SLC30A8: variants seen among roughly 807,000 people sequenced by gnomAD.
SLC30A8 encodes solute carrier family 30 member 8.
SLC30A8 carries 27 observed loss-of-function variants against 36.9 expected under a neutral mutation model. The observed-to-expected ratio is 0.73, with a 90% CI of 0.54 to 1.01. SLC30A8 has a LOEUF of 1.01. SLC30A8 is among the 50% of genes least tolerant of loss of function. The pLI is 0.00. For missense variants in SLC30A8, 439 were observed against 452.0 expected (o/e 0.97, Z 0.26); for synonymous variants, 164 against 172.4 (o/e 0.95, Z 0.38).
intron 2 of SLC30A8, among the ~76,000 whole-genome samples, chr8:117,116,067 C>A (rs1820429464): frequency 6.6e-6 from 1 of 152,014 alleles, no homozygotes; most frequent in African/African-American, 2.4e-5. Context: ...TACGCCCTTT[C>A]TTGAAGACTT....
chr8:117,131,321 A>G (rs907374994), upstream of SLC30A8, among the ~76,000 whole-genome samples: 3 of 152,034 alleles, frequency 2.0e-5, no homozygotes, highest in Non-Finnish European at 2.9e-5. Flanking sequence ...ACACTGTAGT[A>G]ATAACCATAA....
chr8:117,112,997 A>T (rs1417728723), intron 2 of SLC30A8, among the ~76,000 whole-genome samples: 2 of 152,152 alleles, frequency 1.3e-5, no homozygotes, highest in Non-Finnish European at 2.9e-5. Flanking sequence ...TTCAGTCAAC[A>T]TCTATTTATC....
chr8:116,996,612 G>A (rs115893348), intron 1 of SLC30A8, among the ~76,000 whole-genome samples: 107 of 152,158 alleles, frequency 7.0e-4, no homozygotes, highest in Middle Eastern at 6.8e-3. Flanking sequence ...CAGGAAGGGT[G>A]ATCTTGGCCA....
chr8:117,045,704 C>T lies in SLC30A8; in HGVS notation c.-226+6446C>T, dbSNP rs1186851700. The stretch of plus-strand genomic sequence containing the variant: ...GTAAAAGCCTGACATATACTCTGCT[C>T]GCAGCAGCAGTCCTTTCAAAGCGTG... On this transcript the variant is annotated intron_variant, in intron 2 of 10. Coordinates refer to the SLC30A8 transcript ENST00000427715. Among the ~76,000 whole-genome samples the T allele has an allele frequency of 3.9e-5, 6 of 152,314 alleles. No individual in the cohort carries two copies. The South Asian group carries it at 6.2e-4, about 16-fold the overall frequency.
At chr8:117,004,139 C>G (rs936820428) in intron 1 of SLC30A8, among the ~76,000 whole-genome samples, 1 of 152,150 alleles carries the variant, frequency 6.6e-6, no homozygotes, top group African/African-American at 2.4e-5. Flanking sequence ...CTATTTGATA[C>G]AGCTGAATCG....
chr8:116,983,123 A>G (rs1052764139), intron 1 of SLC30A8, among the ~76,000 whole-genome samples: 4 of 152,174 alleles, frequency 2.6e-5, no homozygotes, highest in South Asian at 2.1e-4. Flanking sequence ...GTTAGTGTTT[A>G]TAACTTCTAT....
chr8:117,065,250 C>G (rs1818134264), intron 2 of SLC30A8, among the ~76,000 whole-genome samples: 1 of 152,036 alleles, frequency 6.6e-6, no homozygotes, highest in South Asian at 2.1e-4. Context: ...GAGTATATAA[C>G]TTTTCTCTAT....
chr8:117,016,307 T>A (rs6987643), intron 1 of SLC30A8, among the ~76,000 whole-genome samples: 1 of 152,014 alleles, frequency 6.6e-6, no homozygotes, highest in African/African-American at 2.4e-5. Context: ...AAGTCGATAT[T>A]GAATCAAAGA....
chr8:116,993,063 G>GA (rs1381833885), intron 1 of SLC30A8, among the ~76,000 whole-genome samples: 2 of 152,062 alleles, frequency 1.3e-5, no homozygotes. Flanking sequence ...ATTAGTGGGG[G>GA]AAAATCTGTC....
At chr8:117,150,505 C>T (rs1264193581) in intron 2 of SLC30A8, among the ~76,000 whole-genome samples, 1 of 152,238 alleles carries the variant, frequency 6.6e-6, no homozygotes, top group Non-Finnish European at 1.5e-5. Context: ...TATAAGTGTA[C>T]TGCTCTGCAC....
At chr8:117,087,533 CT>C (rs928605478) in intron 2 of SLC30A8, among the ~76,000 whole-genome samples, 5 of 151,494 alleles carry the variant, frequency 3.3e-5, no homozygotes, top group East Asian at 1.9e-4. Flanking sequence ...CTGGCTTCGT[CT>C]TTTTTTTTCT....
chr8:117,072,283 G>C (rs1818356451), intron 2 of SLC30A8, among the ~76,000 whole-genome samples: 1 of 152,128 alleles, frequency 6.6e-6, no homozygotes, highest in Non-Finnish European at 1.5e-5. Flanking sequence ...TTTTCTGAAA[G>C]CAGCCTCTTT....
chr8:117,172,483 T>C, intron 7 of SLC30A8, 53 bp from the exon 8 acceptor site: 1 of 1,612,284 alleles, frequency 6.2e-7, no homozygotes, highest in Non-Finnish European at 8.5e-7. Flanking sequence ...GTCAGAGCAG[T>C]CGCCCATGCG....
At chr8:117,089,018 A>C (rs984345992) in intron 2 of SLC30A8, among the ~76,000 whole-genome samples, 3 of 152,208 alleles carry the variant, frequency 2.0e-5, no homozygotes, top group African/African-American at 7.2e-5. Context: ...TCCTCACTGC[A>C]TATTTCACCG....
chr8:117,163,859 G>A (rs1175773361), intron 6 of SLC30A8: 1 of 176,822 alleles, frequency 5.7e-6, no homozygotes, highest in Non-Finnish European at 1.2e-5. Flanking sequence ...TACCCCCCAG[G>A]CTGCATTAGA....
chr8:117,071,833 T>G (rs62510507), intron 2 of SLC30A8, among the ~76,000 whole-genome samples: 8,638 of 152,260 alleles, frequency 0.057, 288 homozygotes, highest in East Asian at 0.12. Context: ...GATTTACCAT[T>G]TTAATAAACA....
Position 117,135,212 on chromosome 8 carries a change from C to T in SLC30A8, c.-116C>T, listed in dbSNP as rs527882623. On this transcript the variant is annotated 5_prime_UTR_variant, in exon 1 of 8. Transcript: ENST00000456015. Reference sequence around the variant, plus strand: ...AAGCTCATTATTTTAATTTCTGGAGCCTTTTAATTTTTTCTTTAGAAAGTG... The same window carrying T: ...AAGCTCATTATTTTAATTTCTGGAGTCTTTTAATTTTTTCTTTAGAAAGTG... 6 of 592,558 alleles carry T rather than the reference C, an allele frequency of 1.0e-5. No homozygotes were observed. In the African/African-American group the frequency reaches 1.1e-4, roughly 11 times the overall value. The allele number at this position is 592,558 out of a possible 1,614,324, so 36.7% of individuals were successfully genotyped here. A position where few individuals can be genotyped will look rare whatever the true frequency, so the allele number is the denominator to read the frequency against.
At chr8:117,034,124 T>C (rs982114826) in intron 1 of SLC30A8, among the ~76,000 whole-genome samples, 1 of 152,242 alleles carries the variant, frequency 6.6e-6, no homozygotes. Context: ...AGTGAGGTTA[T>C]TGTCCTGATT....
At chr8:117,096,077 G>A (rs1022895919) in intron 2 of SLC30A8, among the ~76,000 whole-genome samples, 26 of 152,220 alleles carry the variant, frequency 1.7e-4, no homozygotes, top group African/African-American at 4.8e-4. Context: ...CAGCTCTTGT[G>A]GCCGTAGTTC....
Sources: gnomAD v4.1 joint callset for allele counts (sites outside exome capture counted in the v4.1 genomes callset) on GRCh38, gnomAD v4.1.1 for gene constraint, MANE v1.5 for transcripts, NCBI Gene and HGNC (gene_info 2026-07-23, HGNC 2026-07-21) for gene names.